The following ROBO1 variants were observed in gnomAD, a reference collection of about 807,000 sequenced individuals.
The protein encoded by ROBO1 is roundabout homolog 1.
ROBO1 carries 149 observed loss-of-function variants against 195.9 expected under a neutral mutation model. The ratio of observed to expected loss-of-function variants is 0.76; its 90% CI spans 0.67 to 0.87. The LOEUF (loss-of-function observed/expected upper bound fraction) is 0.87. Among genes scored for constraint, ROBO1 ranks in the 40% least tolerant of loss-of-function variants. The pLI, the probability that ROBO1 is intolerant of heterozygous loss-of-function variation, is 0.00. For synonymous variants in ROBO1, 816 were observed against 733.2 expected (o/e 1.11, Z -1.82); for missense variants, 1,933 against 2,068.3 (o/e 0.93, Z 1.27).
At chr3:79,472,587 T>C (rs1938340496) in intron 2 of ROBO1, among the ~76,000 whole-genome samples, 1 of 152,168 alleles carries the variant, frequency 6.6e-6, no homozygotes, top group Non-Finnish European at 1.5e-5. Context: ...GGTGAGCTCC[T>C]TAAGCAAAGA....
chr3:79,135,335 A>G (rs994109559), intron 2 of ROBO1, among the ~76,000 whole-genome samples: 1 of 152,192 alleles, frequency 6.6e-6, no homozygotes, highest in African/African-American at 2.4e-5. Flanking sequence ...TCTGTAACTC[A>G]GTAATCAAAC....
chr3:79,491,529 T>A (rs1164921498), intron 2 of ROBO1, among the ~76,000 whole-genome samples: 1 of 152,170 alleles, frequency 6.6e-6, no homozygotes, highest in Non-Finnish European at 1.5e-5. Flanking sequence ...TTTGTTAAAT[T>A]CATGAAATTC....
chr3:79,451,990 C>T (rs1337319536), intron 2 of ROBO1, among the ~76,000 whole-genome samples: 1 of 151,390 alleles, frequency 6.6e-6, no homozygotes, highest in Non-Finnish European at 1.5e-5. Context: ...TCACTTATTT[C>T]CCAATTTCTA....
At chr3:78,659,926 T>C in intron 16 of ROBO1, 119 bp from the exon 17 acceptor site, 1 of 609,230 alleles carries the variant, frequency 1.6e-6, no homozygotes, top group South Asian at 3.5e-5. Context: ...TGCTTTTTTT[T>C]TTTTTTTTTT....
chr3:79,716,315 G>A lies in ROBO1; in HGVS notation c.-51+51437C>T, dbSNP rs369235566. On this transcript the variant is annotated intron_variant, in intron 1 of 30. Transcript: ENST00000464233. ...CAGTATCAAGACAGTTTAAGTAAGT[G>A]TGGAAATAATAGATGCATTATGAAA... Among the ~76,000 whole-genome samples the A allele has an allele frequency of 1.6e-4, 24 of 151,942 alleles. 1 individual carries two copies. The East Asian group carries it at 2.5e-3, about 16-fold the overall frequency.
intron 1 of ROBO1, among the ~76,000 whole-genome samples, chr3:79,660,729 G>A (rs1412410281): frequency 2.0e-5 from 3 of 152,060 alleles, no homozygotes; most frequent in Admixed American, 6.6e-5. Context: ...CCACCCAGGT[G>A]ATCAATTTGA....
intron 2 of ROBO1, among the ~76,000 whole-genome samples, chr3:79,135,001 C>T (rs1314074849): frequency 6.8e-6 from 1 of 146,440 alleles, no homozygotes; most frequent in East Asian, 2.0e-4. Flanking sequence ...AACTAACCTG[C>T]ACAATGTGCA....
chr3:78,681,011 T>G (rs1178982771), intron 10 of ROBO1, among the ~76,000 whole-genome samples: 1 of 151,562 alleles, frequency 6.6e-6, no homozygotes, highest in East Asian at 1.9e-4. Context: ...CCATAAAAAA[T>G]GATGAGTTCA....
At chr3:78,925,905 C>T (rs991962591) in intron 4 of ROBO1, among the ~76,000 whole-genome samples, 1 of 151,818 alleles carries the variant, frequency 6.6e-6, no homozygotes, top group African/African-American at 2.4e-5. Context: ...GAGTATCGCT[C>T]TGTTGCCCAG....
intron 3 of ROBO1, among the ~76,000 whole-genome samples, chr3:79,119,597 T>A (rs779649828): frequency 6.6e-6 from 1 of 152,160 alleles, no homozygotes; most frequent in African/African-American, 2.4e-5. Context: ...TGATGTGAGT[T>A]GATAACTTTA....
intron 1 of ROBO1, among the ~76,000 whole-genome samples, chr3:79,618,704 T>G (rs545008726): frequency 2.0e-5 from 3 of 152,204 alleles, no homozygotes; most frequent in African/African-American, 7.2e-5. Context: ...TTTCATGGTC[T>G]CTTCACATGG....
At chr3:79,579,870 C>T (rs1164128244) in intron 2 of ROBO1, among the ~76,000 whole-genome samples, 1 of 152,038 alleles carries the variant, frequency 6.6e-6, no homozygotes, top group Non-Finnish European at 1.5e-5. Context: ...CTCCAGTGAG[C>T]AATGATACCT....
chr3:78,707,995 T>C (rs1239789311), intron 8 of ROBO1, among the ~76,000 whole-genome samples: 1 of 152,222 alleles, frequency 6.6e-6, no homozygotes, highest in Non-Finnish European at 1.5e-5. Flanking sequence ...TTCGGTTTCC[T>C]GTGACTGATG....
intron 2 of ROBO1, among the ~76,000 whole-genome samples, chr3:79,399,878 G>A (rs532949817): frequency 6.6e-6 from 1 of 152,046 alleles, no homozygotes; most frequent in East Asian, 1.9e-4. Context: ...AATTGTGATA[G>A]AATTTTTATA....
In ROBO1 at chr3:78,850,478, A is replaced by C. The variant is rs528036640; in HGVS notation, c.499+88123T>G. On this transcript the variant is annotated intron_variant, in intron 4 of 30. Coordinates refer to ENST00000464233, the MANE Select transcript of ROBO1 (RefSeq NM_002941.4). ...TTATAAACAAGAAAAACATAACAAA[A>C]TAATAACTTATTTTATGTTATCCTC... Among the ~76,000 whole-genome samples the C allele has an allele frequency of 2.6e-5, 4 of 152,354 alleles. No individual in the cohort carries two copies. The East Asian group carries it at 7.7e-4, about 29-fold the overall frequency.
chr3:79,444,236 T>C lies in ROBO1; in HGVS notation c.88+145588A>G, dbSNP rs192843586. ...AAACTGAGAGAAGACATTACAGGCATTAAATTAACGCTAATGCTGTATAAA... is the reference window on the plus strand; with the variant it reads ...AAACTGAGAGAAGACATTACAGGCACTAAATTAACGCTAATGCTGTATAAA... On this transcript the variant is annotated intron_variant, in intron 2 of 30. Transcript: ENST00000464233. Among the ~76,000 whole-genome samples the C allele has an allele frequency of 1.7e-3, 262 of 152,114 alleles. 1 individual carries two copies. The highest frequency in any genetic ancestry group is 5.7e-3 in the African/African-American group (237 of 41,516).
At chr3:78,977,817 C>A (rs2076914398) in intron 3 of ROBO1, among the ~76,000 whole-genome samples, 1 of 152,050 alleles carries the variant, frequency 6.6e-6, no homozygotes, top group Non-Finnish European at 1.5e-5. Flanking sequence ...TAGGACCTTA[C>A]TGAAACTCTC....
chr3:79,302,156 A>G (rs1190299625), intron 2 of ROBO1, among the ~76,000 whole-genome samples: 1 of 152,204 alleles, frequency 6.6e-6, no homozygotes, highest in Admixed American at 6.5e-5. Context: ...CACGCTATCC[A>G]CATGTCTGGG....
intron 1 of ROBO1, among the ~76,000 whole-genome samples, chr3:79,678,796 A>T (rs1946859136): frequency 6.6e-6 from 1 of 152,054 alleles, no homozygotes; most frequent in Admixed American, 6.6e-5. Flanking sequence ...TGAGAGGGCC[A>T]CTGCTTAGTT....
Sources: gnomAD v4.1 joint callset for allele counts (sites outside exome capture counted in the v4.1 genomes callset) on GRCh38, gnomAD v4.1.1 for gene constraint, MANE v1.5 for transcripts, NCBI Gene and HGNC (gene_info 2026-07-23, HGNC 2026-07-21) for gene names.